The following GRIP1 variants were observed in gnomAD, a reference collection of about 807,000 sequenced individuals.
The protein encoded by GRIP1 is glutamate receptor-interacting protein 1.
In GRIP1, 45 loss-of-function variants were observed where a neutral mutation model predicts 129.9. The ratio of observed to expected loss-of-function variants is 0.35; its 90% CI spans 0.27 to 0.44. The LOEUF is 0.44. Among genes scored for constraint, GRIP1 ranks in the 20% least tolerant of loss-of-function variants. GRIP1 has a pLI of 1.00. For synonymous variants in GRIP1, 530 were observed against 520.8 expected (o/e 1.02, Z -0.24); for missense variants, 1,196 against 1,396.8 (o/e 0.86, Z 2.29).
At chr12:66,414,932 TATAAAATAAAATAAA>T (rs56917803) in intron 15 of GRIP1, among the ~76,000 whole-genome samples, 28,721 of 121,872 alleles carry the variant, frequency 0.24, 3,445 homozygotes, top group East Asian at 0.35. Flanking sequence ...TTACACCTTA[TATAAAATAAAATAAA>T]ATAAAATAAA....
chr12:66,754,779 T>C (rs751318533), intron 1 of GRIP1, among the ~76,000 whole-genome samples: 14 of 152,010 alleles, frequency 9.2e-5, no homozygotes, highest in Non-Finnish European at 1.6e-4. Flanking sequence ...TAGAAAGTAA[T>C]AAGAGGGTAG....
chr12:66,623,017 T>A (rs1051040135), intron 1 of GRIP1, among the ~76,000 whole-genome samples: 2 of 152,154 alleles, frequency 1.3e-5, no homozygotes, highest in African/African-American at 4.8e-5. Flanking sequence ...GAGCATGATT[T>A]TAGTTTATTT....
intron 23 of GRIP1, among the ~76,000 whole-genome samples, chr12:66,369,249 A>G (rs1341325365): frequency 2.0e-5 from 3 of 152,036 alleles, no homozygotes; most frequent in Non-Finnish European, 4.4e-5. Context: ...TACAGTTCAC[A>G]CACTGCCACA....
At chr12:66,661,717 T>G (rs2033521387) in intron 1 of GRIP1, among the ~76,000 whole-genome samples, 1 of 152,022 alleles carries the variant, frequency 6.6e-6, no homozygotes, top group Non-Finnish European at 1.5e-5. Context: ...TTTTTCTGAG[T>G]TTTTGTCTAG....
chr12:66,703,439 A>G (rs1040532890), intron 1 of GRIP1, among the ~76,000 whole-genome samples: 6 of 152,132 alleles, frequency 3.9e-5, no homozygotes, highest in Non-Finnish European at 7.4e-5. Flanking sequence ...GATGCATGGG[A>G]GAGGGCAAAG....
chr12:66,670,670 C>G (rs186376881), intron 1 of GRIP1, among the ~76,000 whole-genome samples: 1 of 152,170 alleles, frequency 6.6e-6, no homozygotes, highest in Non-Finnish European at 1.5e-5. Context: ...ACAGAAAGAC[C>G]TGGCTCTAAT....
At chr12:66,879,051 T>A (rs776595993) in intron 1 of GRIP1, among the ~76,000 whole-genome samples, 1 of 151,942 alleles carries the variant, frequency 6.6e-6, no homozygotes, top group Non-Finnish European at 1.5e-5. Flanking sequence ...TACTACATAA[T>A]GTTTATGATT....
chr12:66,537,340 T>C (rs2061635704), intron 4 of GRIP1, among the ~76,000 whole-genome samples: 2 of 152,240 alleles, frequency 1.3e-5, no homozygotes, highest in Non-Finnish European at 1.5e-5. Context: ...AAAGTTCATC[T>C]CTGCTATGCT....
intron 1 of GRIP1, among the ~76,000 whole-genome samples, chr12:66,802,949 T>A (rs562138585): frequency 6.6e-6 from 1 of 152,342 alleles, no homozygotes; most frequent in South Asian, 2.1e-4. Flanking sequence ...TACAGCCACA[T>A]TATTCAAGCA....
intron 1 of GRIP1, among the ~76,000 whole-genome samples, chr12:66,605,884 T>G (rs1430476588): frequency 6.6e-6 from 1 of 152,126 alleles, no homozygotes; most frequent in Non-Finnish European, 1.5e-5. Context: ...AAAATGAAAA[T>G]GCCTCTATAT....
chr12:66,711,849 G>A lies in GRIP1; in HGVS notation c.-419-81513C>T, dbSNP rs139006258. Among the ~76,000 whole-genome samples the A allele has an allele frequency of 4.9e-3, 748 of 151,964 alleles. 6 individuals carry two copies. The highest frequency in any genetic ancestry group is 0.017 in the African/African-American group (717 of 41,490). ...CTCAAACAATTACTTGCCAAGCTGC[G>A]TGAACACTATGGGTCATAGATCCTA... On this transcript the variant is annotated intron_variant, in intron 1 of 4. Coordinates refer to the GRIP1 transcript ENST00000538373.
At chr12:66,722,688 TG>T (rs2036096058) in intron 1 of GRIP1, among the ~76,000 whole-genome samples, 1 of 152,182 alleles carries the variant, frequency 6.6e-6, no homozygotes, top group Non-Finnish European at 1.5e-5. Flanking sequence ...GATGCCTGTA[TG>T]TAGCTTCTGG....
At chr12:66,972,080 G>A (rs1415432952) in intron 1 of GRIP1, among the ~76,000 whole-genome samples, 2 of 152,174 alleles carry the variant, frequency 1.3e-5, no homozygotes, top group African/African-American at 2.4e-5. Flanking sequence ...GATTCATGAG[G>A]ACAGCTAGCA....
At chr12:66,681,907 TTACA>T (rs1311208796), upstream of GRIP1, among the ~76,000 whole-genome samples, 3 of 152,164 alleles carry the variant, frequency 2.0e-5, no homozygotes, top group African/African-American at 4.8e-5. Flanking sequence ...TGTACCACGT[TTACA>T]TAGAATTTAA....
intron 1 of GRIP1, among the ~76,000 whole-genome samples, chr12:66,787,885 C>T (rs1433637931): frequency 3.3e-5 from 5 of 152,082 alleles, no homozygotes; most frequent in African/African-American, 4.8e-5. Flanking sequence ...AGAAGGGTGC[C>T]GTGGGCCTTA....
chr12:66,640,873 T>C (rs749152739), intron 1 of GRIP1, among the ~76,000 whole-genome samples: 21 of 152,194 alleles, frequency 1.4e-4, no homozygotes, highest in Non-Finnish European at 2.8e-4. Context: ...AAAATACATG[T>C]CTGGAAGTAG....
chr12:66,897,817 G>T (rs1056315568), intron 1 of GRIP1, among the ~76,000 whole-genome samples: 1 of 152,170 alleles, frequency 6.6e-6, no homozygotes, highest in African/African-American at 2.4e-5. Context: ...TGTTCAAGAT[G>T]TAAGTGTGAA....
chr12:66,617,543 C>T (rs1469576897), intron 1 of GRIP1, among the ~76,000 whole-genome samples: 1 of 151,834 alleles, frequency 6.6e-6, no homozygotes, highest in Non-Finnish European at 1.5e-5. Flanking sequence ...GTGGAAGTTC[C>T]AGGGATGATC....
At chr12:66,785,252 A>C (rs1394488264) in intron 1 of GRIP1, among the ~76,000 whole-genome samples, 1 of 150,252 alleles carries the variant, frequency 6.7e-6, no homozygotes, top group Non-Finnish European at 1.5e-5. Flanking sequence ...TGAGCTCAGG[A>C]GTTCAAGACC....
Sources: gnomAD v4.1 joint callset for allele counts (sites outside exome capture counted in the v4.1 genomes callset) on GRCh38, gnomAD v4.1.1 for gene constraint, MANE v1.5 for transcripts, NCBI Gene and HGNC (gene_info 2026-07-23, HGNC 2026-07-21) for gene names.